RPS6KC1: variants seen among roughly 807,000 people sequenced by gnomAD.
RPS6KC1 encodes the protein ribosomal protein S6 kinase C1.
A neutral mutation model predicts 103.8 loss-of-function variants in RPS6KC1; 54 were observed. The ratio of observed to expected loss-of-function variants is 0.52; its 90% CI spans 0.42 to 0.65. The LOEUF (loss-of-function observed/expected upper bound fraction) is 0.65, where lower values mean the gene tolerates loss of function less well. RPS6KC1 is among the 30% of genes least tolerant of loss of function. The pLI, the probability that RPS6KC1 is intolerant of heterozygous loss-of-function variation, is 0.00. For missense variants in RPS6KC1, 1,151 were observed against 1,253.8 expected, an observed-to-expected ratio of 0.92 and a Z score of 1.24; for synonymous variants, 439 against 438.7, an observed-to-expected ratio of 1.00 and a Z score of -0.01.
chr1:213,715,436 G>A, the RPS6KC1 span, among the ~76,000 whole-genome samples: 1 of 152,194 alleles, frequency 6.6e-6, no homozygotes, highest in Non-Finnish European at 1.5e-5. Flanking sequence ...TGGGGATATA[G>A]TGAATTTCTA....
chr1:213,240,864 G>GT lies in RPS6KC1; in HGVS notation c.1389dup (p.Gly464TrpfsTer5). On this transcript the variant is annotated frameshift_variant, in exon 11 of 15. Transcript: ENST00000366960. LOFTEE classifies it high-confidence loss of function. ...AGCTTTGAATCCAGAGGAAGTGATG[G>GT]TGGAAGCATGCTTAAAGCTCTGCCT... 6.2e-7 allele frequency: 1 copy of GT among 1,613,894 alleles called. No homozygotes were observed. The highest frequency in any genetic ancestry group is 8.5e-7 in the Non-Finnish European group (1 of 1,179,900).
At chr1:213,123,800 C>A (rs1021097342) in intron 5 of RPS6KC1, among the ~76,000 whole-genome samples, 1 of 152,066 alleles carries the variant, frequency 6.6e-6, no homozygotes, top group South Asian at 2.1e-4. Context: ...AACCTCAGGG[C>A]TCAGTGAAAG....
the RPS6KC1 span, among the ~76,000 whole-genome samples, chr1:213,772,984 G>A: frequency 1.3e-5 from 2 of 152,252 alleles, no homozygotes; most frequent in East Asian, 3.9e-4. Flanking sequence ...TGTTTTCGCC[G>A]ATGGGTAACT....
At chr1:213,320,044 A>C in the RPS6KC1 span, among the ~76,000 whole-genome samples, 1 of 152,218 alleles carries the variant, frequency 6.6e-6, no homozygotes. Context: ...CAGTCAGCCT[A>C]TGTGGTAGAA....
Position 213,242,068 on chromosome 1 carries a change from A to G in RPS6KC1, c.2592A>G (p.Arg864=), listed in dbSNP as rs373138975. ...AKEEPTSLFQ[R]DSETKGESGL... ...AGGAACCAACTTCTTTATTCCAGAG[A>G]GACTCTGAGACTAAGGGTGAAAGTG... is the stretch of plus-strand genomic sequence containing the variant. Residue 864 remains arginine (R), a synonymous_variant, in exon 11 of 15, where the codon AGA becomes AGG. Transcript: ENST00000366960. 1.2e-6 allele frequency: 2 copies of G among 1,613,928 alleles called. No homozygotes were observed. The highest frequency in any genetic ancestry group is 1.7e-6 in the Non-Finnish European group (2 of 1,179,946).
chr1:213,141,344 T>G (rs1270268204), intron 6 of RPS6KC1, among the ~76,000 whole-genome samples: 1 of 152,130 alleles, frequency 6.6e-6, no homozygotes, highest in Admixed American at 6.6e-5. Context: ...GGTTCAGTCT[T>G]GGGAGGTGGT....
At chr1:213,482,780 A>G in the RPS6KC1 span, among the ~76,000 whole-genome samples, 1 of 151,600 alleles carries the variant, frequency 6.6e-6, no homozygotes, top group Non-Finnish European at 1.5e-5. Context: ...ATCTCTTGAC[A>G]TCGTGATCTG....
At chr1:213,604,688 C>T in the RPS6KC1 span, among the ~76,000 whole-genome samples, 8 of 152,200 alleles carry the variant, frequency 5.3e-5, no homozygotes, top group Non-Finnish European at 5.9e-5. Context: ...CCCTGACTCT[C>T]GCCTGCTACC....
chr1:213,720,795 G>A, the RPS6KC1 span, among the ~76,000 whole-genome samples: 2 of 152,212 alleles, frequency 1.3e-5, no homozygotes, highest in Non-Finnish European at 2.9e-5. Flanking sequence ...TTGACACCAT[G>A]TGACATTACT....
At chr1:213,537,076 A>G in the RPS6KC1 span, among the ~76,000 whole-genome samples, 1 of 152,262 alleles carries the variant, frequency 6.6e-6, no homozygotes. Flanking sequence ...AGAGCATGCA[A>G]TTTATATAAT....
At chr1:213,573,246 A>C in the RPS6KC1 span, among the ~76,000 whole-genome samples, 1 of 152,198 alleles carries the variant, frequency 6.6e-6, no homozygotes, top group Non-Finnish European at 1.5e-5. Context: ...CCCCACATTA[A>C]AGCAGGCCAC....
chr1:213,247,263 A>G (rs1175306174), intron 12 of RPS6KC1, among the ~76,000 whole-genome samples: 2 of 152,224 alleles, frequency 1.3e-5, no homozygotes, highest in Non-Finnish European at 2.9e-5. Context: ...TCACACTTGG[A>G]AACAGCTCAC....
chr1:213,232,714 C>G (rs2094132691), intron 10 of RPS6KC1, among the ~76,000 whole-genome samples: 1 of 152,122 alleles, frequency 6.6e-6, no homozygotes. Context: ...TCATTCTGAT[C>G]TGAGTTTTTA....
At chr1:213,444,652 G>A in the RPS6KC1 span, among the ~76,000 whole-genome samples, 1 of 149,620 alleles carries the variant, frequency 6.7e-6, no homozygotes, top group Non-Finnish European at 1.5e-5. Flanking sequence ...AGCTACTTGG[G>A]AGGCTGAGGC....
chr1:213,803,079 A>G, the RPS6KC1 span, among the ~76,000 whole-genome samples: 1 of 152,152 alleles, frequency 6.6e-6, no homozygotes, highest in Non-Finnish European at 1.5e-5. Flanking sequence ...TAAGGAAACT[A>G]AAAATCAGAG....
chr1:213,622,623 C>T, the RPS6KC1 span, among the ~76,000 whole-genome samples: 2 of 152,248 alleles, frequency 1.3e-5, no homozygotes, highest in East Asian at 1.9e-4. Flanking sequence ...ATACCAGCGG[C>T]ACCCCTGCAG....
the RPS6KC1 span, among the ~76,000 whole-genome samples, chr1:213,302,045 T>C: frequency 2.0e-5 from 3 of 152,120 alleles, no homozygotes; most frequent in Non-Finnish European, 2.9e-5. Flanking sequence ...CAAGACCCCA[T>C]TTATAAAAAT....
chr1:213,826,023 C>T, the RPS6KC1 span, among the ~76,000 whole-genome samples: 1 of 152,274 alleles, frequency 6.6e-6, no homozygotes, highest in African/African-American at 2.4e-5. Context: ...AGATCAATGA[C>T]AGATGATCGT....
the RPS6KC1 span, among the ~76,000 whole-genome samples, chr1:213,402,659 G>A: frequency 6.6e-6 from 1 of 152,040 alleles, no homozygotes; most frequent in Non-Finnish European, 1.5e-5. Flanking sequence ...CTCTTGCTCT[G>A]GTGTATGGCA....
Sources: gnomAD v4.1 joint callset for allele counts (sites outside exome capture counted in the v4.1 genomes callset) on GRCh38, gnomAD v4.1.1 for gene constraint, MANE v1.5 for transcripts, NCBI Gene and HGNC (gene_info 2026-07-23, HGNC 2026-07-21) for gene names.